ZNF678: variants seen among roughly 807,000 people sequenced by gnomAD.
ZNF678 encodes zinc finger protein 678, also known as hypothetical protein MGC42493.
A neutral mutation model predicts 3.0 loss-of-function variants in ZNF678; 5 were observed. The observed-to-expected ratio is 1.69, with a 90% CI of 0.88 to 3.56. The LOEUF is 3.56. Ranked by LOEUF, ZNF678 falls within the 30% of genes most tolerant of loss-of-function variation. The probability of loss-of-function intolerance (pLI) is 0.00; values close to 1 mark genes in which losing one functional copy is unlikely to be tolerated. For synonymous variants in ZNF678, 218 were observed against 199.6 expected (o/e 1.09, Z -0.78); for missense variants, 593 against 605.0 (o/e 0.98, Z 0.21).
At chr1:227,579,981 G>T (rs1657084865) in intron 1 of ZNF678, among the ~76,000 whole-genome samples, 1 of 152,114 alleles carries the variant, frequency 6.6e-6, no homozygotes, top group East Asian at 1.9e-4. Context: ...AGTAGGGGTT[G>T]CAGCTCTAAG....
chr1:227,574,588 C>T (rs190110150), intron 1 of ZNF678, among the ~76,000 whole-genome samples: 1 of 152,102 alleles, frequency 6.6e-6, no homozygotes, highest in Admixed American at 6.5e-5. Context: ...TAGTTTGCAA[C>T]AGTTTTCTCC....
intron 1 of ZNF678, among the ~76,000 whole-genome samples, chr1:227,583,161 A>G (rs1488171921): frequency 1.3e-5 from 2 of 151,968 alleles, no homozygotes; most frequent in Admixed American, 6.6e-5. Context: ...TCTAAGTTCT[A>G]TTGGTAACCT....
Position 227,636,760 on chromosome 1 carries a change from C to A in ZNF678, c.-163-9784C>A, listed in dbSNP as rs75491174. 4.0e-3 allele frequency among the ~76,000 whole-genome samples: 613 copies of A among 152,236 alleles called. 6 individuals are homozygous for A. The highest frequency in any genetic ancestry group is 0.014 in the African/African-American group (582 of 41,544). ...GTGAGCTTGACCCTGGTGCAGTAGA[C>A]CCAGTGGGGGAGTCCTTGGACTCTC... On this transcript the variant is annotated intron_variant, in intron 1 of 3. Coordinates refer to ENST00000343776, the MANE Select transcript of ZNF678 (RefSeq NM_001367909.1).
intron 1 of ZNF678, among the ~76,000 whole-genome samples, chr1:227,594,159 C>T (rs1657500114): frequency 6.6e-6 from 1 of 152,102 alleles, no homozygotes; most frequent in Non-Finnish European, 1.5e-5. Context: ...TGCCTTTTTA[C>T]TGAGAAAATT....
At chr1:227,613,398 T>G (rs1658071100) in intron 1 of ZNF678, among the ~76,000 whole-genome samples, 2 of 152,182 alleles carry the variant, frequency 1.3e-5, no homozygotes, top group Admixed American at 1.3e-4. Flanking sequence ...CAACACCACA[T>G]GGGCATTGGT....
At chr1:227,588,214 T>G (rs1329772253) in intron 1 of ZNF678, among the ~76,000 whole-genome samples, 1 of 152,226 alleles carries the variant, frequency 6.6e-6, no homozygotes, top group Non-Finnish European at 1.5e-5. Flanking sequence ...TACTATATTT[T>G]CTTTATCCAG....
rs1249640024 is a variant in ZNF678 at position 227,660,957 on chromosome 1, G to A, written c.*5129G>A. On this transcript the variant is annotated 3_prime_UTR_variant, in exon 4 of 4. Coordinates refer to ENST00000343776, the MANE Select transcript of ZNF678 (RefSeq NM_001367909.1). ...ATTCTTTTTCTGCATTCACTTAAAA[G>A]TTATAATTGGTTCTGAGATCCTTCA... 2 of 152,132 alleles carry A rather than the reference G, an allele frequency of 1.3e-5. No individual in the cohort carries two copies. The highest frequency in any genetic ancestry group is 2.9e-5 in the Non-Finnish European group (2 of 68,022). 9.4% of individuals were successfully genotyped at this position (152,132 alleles called of 1,614,324 possible). A position where few individuals can be genotyped will look rare whatever the true frequency, so the allele number is the denominator to read the frequency against.
chr1:227,563,970 G>A (rs915439593), intron 1 of ZNF678, among the ~76,000 whole-genome samples: 3 of 152,250 alleles, frequency 2.0e-5, no homozygotes, highest in African/African-American at 7.2e-5. Context: ...CAGAGGGGAG[G>A]GTCATCGGGG....
intron 5 of ZNF678, among the ~76,000 whole-genome samples, chr1:227,675,034 T>C (rs568711490): frequency 2.2e-4 from 34 of 152,354 alleles, no homozygotes; most frequent in African/African-American, 7.7e-4. Flanking sequence ...GTTGAACTTA[T>C]GACATTCATT....
chr1:227,564,351 G>A (rs1415279133), intron 1 of ZNF678, among the ~76,000 whole-genome samples: 1 of 152,180 alleles, frequency 6.6e-6, no homozygotes, highest in African/African-American at 2.4e-5. Flanking sequence ...ACTTAAGGCA[G>A]TCATTAACAA....
chr1:227,585,011 G>A (rs1657221901), intron 1 of ZNF678, among the ~76,000 whole-genome samples: 1 of 152,196 alleles, frequency 6.6e-6, no homozygotes, highest in African/African-American at 2.4e-5. Flanking sequence ...TAACAGAACA[G>A]GAGTCACTCT....
chr1:227,610,860 C>T (rs901223685), intron 1 of ZNF678, among the ~76,000 whole-genome samples: 1 of 152,180 alleles, frequency 6.6e-6, no homozygotes, highest in Non-Finnish European at 1.5e-5. Flanking sequence ...TCTGAAACCA[C>T]TTTCTTAACC....
intron 1 of ZNF678, among the ~76,000 whole-genome samples, chr1:227,629,112 G>C (rs1048681121): frequency 6.6e-6 from 1 of 152,182 alleles, no homozygotes; most frequent in Non-Finnish European, 1.5e-5. Flanking sequence ...TATTGCAGGG[G>C]CTATTGCATG....
intron 2 of ZNF678, among the ~76,000 whole-genome samples, chr1:227,648,840 A>C (rs866103065): frequency 6.6e-6 from 1 of 151,770 alleles, no homozygotes; most frequent in Middle Eastern, 3.2e-3. Flanking sequence ...CCAAAAAAAA[A>C]CAAAAAAACT....
intron 5 of ZNF678, among the ~76,000 whole-genome samples, chr1:227,674,914 T>C (rs1382007039): frequency 1.3e-5 from 2 of 152,194 alleles, no homozygotes; most frequent in Admixed American, 6.5e-5. Flanking sequence ...CTATCTACAA[T>C]TGAAATTCTT....
At chr1:227,619,952 C>T in intron 1 of ZNF678, among the ~76,000 whole-genome samples, 1 of 152,168 alleles carries the variant, frequency 6.6e-6, no homozygotes, top group East Asian at 1.9e-4. Flanking sequence ...CAGCAAACCC[C>T]ACACATTTGA....
At chr1:227,564,951 G>T (rs1407213300) in intron 1 of ZNF678, among the ~76,000 whole-genome samples, 1 of 151,358 alleles carries the variant, frequency 6.6e-6, no homozygotes, top group Non-Finnish European at 1.5e-5. Flanking sequence ...GGTCAGGCTG[G>T]TCTCCAACTC....
chr1:227,644,090 CTG>C (rs1446212548), intron 1 of ZNF678, among the ~76,000 whole-genome samples: 1 of 151,910 alleles, frequency 6.6e-6, no homozygotes, highest in Non-Finnish European at 1.5e-5. Flanking sequence ...GTCTCGAACT[CTG>C]GACCTTAGGT....
intron 3 of ZNF678, 150 bp from the exon 4 acceptor site, chr1:227,654,186 A>C: frequency 1.5e-6 from 1 of 666,792 alleles, no homozygotes; most frequent in Non-Finnish European, 2.2e-6. Flanking sequence ...ATTTTTGTTA[A>C]GTTTATATGT....
Sources: allele counts gnomAD v4.1 joint callset (sites outside exome capture counted in the v4.1 genomes callset), GRCh38; gene constraint gnomAD v4.1.1; transcripts MANE v1.5; gene names NCBI Gene and HGNC (gene_info 2026-07-23, HGNC 2026-07-21).